Variants in CADM2 observed in about 807,000 individuals in gnomAD.
The protein encoded by CADM2 is immunoglobulin superfamily member 4D.
CADM2 carries 12 observed loss-of-function variants against 49.8 expected under a neutral mutation model. That is an observed-to-expected ratio of 0.24 (90% CI 0.15 to 0.39). CADM2 has a LOEUF of 0.39. Ranked by LOEUF, CADM2 falls within the 10% of genes least tolerant of loss-of-function variation. The pLI is 1.00. For missense variants in CADM2, 378 were observed against 492.3 expected (o/e 0.77, Z 2.20); for synonymous variants, 214 against 175.4 (o/e 1.22, Z -1.74).
rs935483673 is a variant in CADM2, at chr3:85,103,582, C to A, written c.61+143914C>A. ...TGTAATAATGGAGGCACAGAATAAC[C>A]GAATGGGAGTTCAGAAGAAAATGCA... On this transcript the variant is annotated intron_variant, in intron 1 of 9. Coordinates refer to ENST00000383699, the MANE Select transcript of CADM2 (RefSeq NM_001167675.2). Among the ~76,000 whole-genome samples, 3 of 152,132 alleles carry A rather than the reference C, an allele frequency of 2.0e-5. 1 individual carries two copies. The South Asian group carries it at 6.2e-4, about 32-fold the overall frequency.
chr3:85,168,918 ATTTC>A (rs1303397505), intron 1 of CADM2, among the ~76,000 whole-genome samples: 2 of 151,972 alleles, frequency 1.3e-5, no homozygotes, highest in Non-Finnish European at 2.9e-5. Flanking sequence ...TTGTTTTTGA[ATTTC>A]TTTATTAATA....
chr3:85,093,864 AT>A (rs780017292), intron 1 of CADM2, among the ~76,000 whole-genome samples: 17 of 151,902 alleles, frequency 1.1e-4, no homozygotes, highest in Non-Finnish European at 2.2e-4. Flanking sequence ...GGAGTTGATG[AT>A]TGGGGGAGGG....
intron 1 of CADM2, among the ~76,000 whole-genome samples, chr3:85,526,673 A>T (rs1054374655): frequency 6.6e-6 from 1 of 152,164 alleles, no homozygotes; most frequent in Non-Finnish European, 1.5e-5. Flanking sequence ...ACCAAAAATG[A>T]AACACTGTGT....
chr3:85,637,621 A>AAAAATAAAATAAAAT (rs1559958577), intron 1 of CADM2, among the ~76,000 whole-genome samples: 1 of 114,526 alleles, frequency 8.7e-6, no homozygotes, highest in Non-Finnish European at 1.7e-5. Flanking sequence ...AAAAAAAAAA[A>AAAAATAAAATAAAAT]AAAATAAAAT....
At chr3:85,600,981 G>T (rs2063374039) in intron 1 of CADM2, among the ~76,000 whole-genome samples, 1 of 150,378 alleles carries the variant, frequency 6.6e-6, no homozygotes, top group African/African-American at 2.4e-5. Flanking sequence ...CACAGGAGAT[G>T]TAAAGATAGA....
intron 5 of CADM2, among the ~76,000 whole-genome samples, chr3:85,901,261 A>G (rs552677352): frequency 2.0e-5 from 3 of 152,268 alleles, no homozygotes; most frequent in East Asian, 1.9e-4. Context: ...ATTTTTCACA[A>G]TATGATCAAA....
chr3:85,532,659 G>T (rs1357362335), intron 1 of CADM2, among the ~76,000 whole-genome samples: 1 of 152,074 alleles, frequency 6.6e-6, no homozygotes, highest in Non-Finnish European at 1.5e-5. Context: ...CCATTACCTG[G>T]TATGTACCCA....
intron 1 of CADM2, among the ~76,000 whole-genome samples, chr3:85,610,183 C>T (rs1238523523): frequency 1.3e-5 from 2 of 151,716 alleles, no homozygotes; most frequent in Non-Finnish European, 1.5e-5. Flanking sequence ...TTAATGACTT[C>T]GAAGAGTAAA....
intron 1 of CADM2, among the ~76,000 whole-genome samples, chr3:85,438,011 T>A (rs941249860): frequency 6.6e-6 from 1 of 152,098 alleles, no homozygotes; most frequent in Admixed American, 6.6e-5. Context: ...CTACAATTAT[T>A]ATATTTAAAA....
intron 1 of CADM2, among the ~76,000 whole-genome samples, chr3:85,407,222 T>A (rs936694954): frequency 1.3e-5 from 2 of 151,838 alleles, no homozygotes; most frequent in African/African-American, 4.8e-5. Context: ...TAAAATGAGA[T>A]TATGTCATGC....
intron 7 of CADM2, among the ~76,000 whole-genome samples, chr3:85,936,707 A>G (rs1385913378): frequency 6.6e-6 from 1 of 151,792 alleles, no homozygotes; most frequent in Non-Finnish European, 1.5e-5. Flanking sequence ...TTTGTCTCCA[A>G]TAACATTTAT....
intron 1 of CADM2, among the ~76,000 whole-genome samples, chr3:85,050,422 A>G (rs2035837806): frequency 6.6e-6 from 1 of 152,166 alleles, no homozygotes; most frequent in Non-Finnish European, 1.5e-5. Flanking sequence ...TTTGCTATGG[A>G]CCAGAACAAA....
chr3:85,456,325 G>T (rs1412333212), intron 1 of CADM2, among the ~76,000 whole-genome samples: 1 of 152,020 alleles, frequency 6.6e-6, no homozygotes, highest in Non-Finnish European at 1.5e-5. Context: ...GTATCTACTT[G>T]AATCACTACA....
chr3:85,160,197 G>A (rs764213997), intron 1 of CADM2, among the ~76,000 whole-genome samples: 1 of 152,016 alleles, frequency 6.6e-6, no homozygotes, highest in African/African-American at 2.4e-5. Context: ...CATTTCCAAT[G>A]TTTTATTATA....
chr3:85,347,761 C>T (rs549260265), intron 1 of CADM2, among the ~76,000 whole-genome samples: 1 of 151,058 alleles, frequency 6.6e-6, no homozygotes, highest in East Asian at 1.9e-4. Context: ...CCTGCCTCAG[C>T]CTGCATAGTA....
At chr3:85,648,732 TG>T (rs1480525254) in intron 1 of CADM2, among the ~76,000 whole-genome samples, 5 of 152,068 alleles carry the variant, frequency 3.3e-5, no homozygotes, top group Non-Finnish European at 5.9e-5. Context: ...AGATTTCACC[TG>T]GATGGCTTAG....
chr3:85,301,941 T>TTATTAA (rs1294667082), intron 1 of CADM2, among the ~76,000 whole-genome samples: 1 of 152,090 alleles, frequency 6.6e-6, no homozygotes, highest in Non-Finnish European at 1.5e-5. Context: ...AATTTTTTTG[T>TTATTAA]ATGCGTAGCT....
chr3:85,310,225 T>C (rs759194813), intron 1 of CADM2, among the ~76,000 whole-genome samples: 2 of 152,182 alleles, frequency 1.3e-5, no homozygotes, highest in African/African-American at 2.4e-5. Context: ...ATAGACAATA[T>C]TTGCATGTGA....
chr3:85,287,299 G>T (rs1379368119), intron 1 of CADM2, among the ~76,000 whole-genome samples: 2 of 151,232 alleles, frequency 1.3e-5, no homozygotes, highest in Admixed American at 1.3e-4. Context: ...TTTCAAGTTG[G>T]CCATACTGAC....
Sources: allele counts gnomAD v4.1 joint callset (sites outside exome capture counted in the v4.1 genomes callset), GRCh38; gene constraint gnomAD v4.1.1; transcripts MANE v1.5; gene names NCBI Gene and HGNC (gene_info 2026-07-23, HGNC 2026-07-21).